Variants in VAV3 observed in about 807,000 individuals in gnomAD.
VAV3 encodes the protein vav guanine nucleotide exchange factor 3.
A neutral mutation model predicts 131.2 loss-of-function variants in VAV3; 94 were observed. The observed-to-expected ratio is 0.72, with a 90% CI of 0.61 to 0.85. The LOEUF is 0.85. VAV3 is among the 40% of genes least tolerant of loss of function. The probability of loss-of-function intolerance (pLI) is 0.00; values close to 1 mark genes in which losing one functional copy is unlikely to be tolerated. For missense variants in VAV3, 939 were observed against 1,002.7 expected (o/e 0.94, Z 0.86); for synonymous variants, 349 against 342.0 (o/e 1.02, Z -0.22).
rs5776903 is a variant in VAV3 at position 107,889,132 on chromosome 1, AGTGTGT to A, written c.205-14121_205-14116del. Among the ~76,000 whole-genome samples the A allele has an allele frequency of 2.3e-3, 326 of 142,038 alleles. 1 individual carries two copies. The highest frequency in any genetic ancestry group is 2.8e-3 in the Non-Finnish European group (184 of 65,754). The allele number at this position is 142,038 out of a possible 152,430, so 93.2% of individuals were successfully genotyped here. On this transcript the variant is annotated intron_variant, in intron 1 of 26. Coordinates refer to ENST00000370056, the MANE Select transcript of VAV3 (RefSeq NM_006113.5). ...TTTTGTTCCAAGTTCTCCTGTGTAG[AGTGTGT>A]GTGTGTGTGTGTGTGTGTGTGTGTG...
intron 25 of VAV3, among the ~76,000 whole-genome samples, chr1:107,579,491 G>A (rs192566538): frequency 1.1e-3 from 173 of 152,252 alleles, no homozygotes; most frequent in African/African-American, 3.9e-3. Flanking sequence ...TTAGTACACC[G>A]TTCAGCCCTC....
At chr1:107,678,521 G>A (rs138724574) in intron 19 of VAV3, among the ~76,000 whole-genome samples, 1 of 152,146 alleles carries the variant, frequency 6.6e-6, no homozygotes, top group Non-Finnish European at 1.5e-5. Context: ...ACACTCTGTT[G>A]TTATTTTTCT....
intron 24 of VAV3, 29 bp downstream of exon 24, chr1:107,602,368 C>A (rs971838859): frequency 1.4e-6 from 2 of 1,441,978 alleles, no homozygotes; most frequent in Admixed American, 4.6e-5. Context: ...ATAAGGATCC[C>A]AGATTGAAAA....
intron 1 of VAV3, among the ~76,000 whole-genome samples, chr1:107,910,204 A>G (rs116531886): frequency 0.041 from 6,184 of 152,322 alleles, 185 homozygotes; most frequent in Non-Finnish European, 0.059. Context: ...AGGCCTATCT[A>G]ATTCCAAGGC....
intron 2 of VAV3, among the ~76,000 whole-genome samples, chr1:107,788,145 A>G (rs940497221): frequency 3.9e-5 from 6 of 152,082 alleles, no homozygotes; most frequent in African/African-American, 1.4e-4. Context: ...AGCTTCCAAT[A>G]TGTCTCCAGG....
chr1:107,666,416 G>A (rs903887104), intron 19 of VAV3, among the ~76,000 whole-genome samples: 2 of 152,108 alleles, frequency 1.3e-5, no homozygotes, highest in Non-Finnish European at 2.9e-5. Context: ...ATTGGTGTGT[G>A]GGCTTTCAGG....
At position 107,675,726 on chromosome 1, in the gene VAV3, T is replaced by C. The variant is rs1658160105; in HGVS notation, c.1777+7762A>G. 2.6e-5 allele frequency among the ~76,000 whole-genome samples: 4 copies of C among 152,280 alleles called. No individual in the cohort carries two copies. In the South Asian group the frequency reaches 8.3e-4, roughly 32 times the overall value. On this transcript the variant is annotated intron_variant, in intron 19 of 26. Transcript: ENST00000370056. ...ACAAAACATGCTGTGTTAGGTTCTG[T>C]TTCCTCAGTTCTCTAATCCGATAAA... is the stretch of plus-strand genomic sequence containing the variant.
chr1:107,616,268 C>A (rs1164382593), intron 21 of VAV3, among the ~76,000 whole-genome samples: 7 of 152,064 alleles, frequency 4.6e-5, no homozygotes, highest in Non-Finnish European at 1.0e-4. Flanking sequence ...TAAAAAGAAA[C>A]AAGATCATGC....
intron 22 of VAV3, among the ~76,000 whole-genome samples, chr1:107,606,475 T>C (rs914412397): frequency 1.3e-5 from 2 of 152,128 alleles, no homozygotes; most frequent in African/African-American, 4.8e-5. Context: ...TGTCCTTCGG[T>C]TCTGAGAAAT....
At chr1:107,868,842 T>C (rs1237450872) in intron 2 of VAV3, among the ~76,000 whole-genome samples, 4 of 152,106 alleles carry the variant, frequency 2.6e-5, no homozygotes, top group Admixed American at 2.6e-4. Context: ...TTGAAAGAAC[T>C]AGTGAAAACT....
chr1:107,894,059 G>A (rs1671453833), intron 1 of VAV3, among the ~76,000 whole-genome samples: 1 of 152,154 alleles, frequency 6.6e-6, no homozygotes, highest in African/African-American at 2.4e-5. Context: ...ATACTGATTG[G>A]GGCTGCAACA....
At chr1:107,924,403 AAAAC>A (rs1431933894) in intron 1 of VAV3, among the ~76,000 whole-genome samples, 1 of 152,054 alleles carries the variant, frequency 6.6e-6, no homozygotes, top group Non-Finnish European at 1.5e-5. Flanking sequence ...AAAAAAAAAA[AAAAC>A]CCTGTAAACA....
intron 25 of VAV3, among the ~76,000 whole-genome samples, chr1:107,590,868 C>T (rs1032561523): frequency 6.6e-6 from 1 of 152,146 alleles, no homozygotes. Context: ...CAATAGCCTC[C>T]TAACTCATCT....
chr1:107,954,694 C>T (rs984950341), intron 1 of VAV3, among the ~76,000 whole-genome samples: 3 of 151,336 alleles, frequency 2.0e-5, no homozygotes, highest in Non-Finnish European at 1.5e-5. Context: ...TAAGGAGGTG[C>T]TATTAACAAC....
At chr1:107,629,655 C>T (rs1321953557) in intron 20 of VAV3, among the ~76,000 whole-genome samples, 1 of 152,028 alleles carries the variant, frequency 6.6e-6, no homozygotes, top group Non-Finnish European at 1.5e-5. Context: ...GAAAATGCTG[C>T]CAAAAGGAAT....
chr1:107,768,426 C>T lies in VAV3; in HGVS notation c.717+15G>A, dbSNP rs144114266. On this transcript the variant is annotated intron_variant, in intron 7 of 26. Transcript: ENST00000370056. Reference sequence around the variant, plus strand: ...TGAAGTACACCACAATTTTAGCTAGCATATTTTTACTCACAGGAATGTTGA... The same window carrying T: ...TGAAGTACACCACAATTTTAGCTAGTATATTTTTACTCACAGGAATGTTGA... The T allele has an allele frequency of 1.9e-6, 3 of 1,604,366 alleles. No individual in the cohort carries two copies. In the Admixed American group the frequency reaches 5.1e-5, roughly 27 times the overall value.
chr1:107,777,061 A>C (rs531890056), intron 4 of VAV3, among the ~76,000 whole-genome samples, 170 bp downstream of exon 4: 1 of 152,178 alleles, frequency 6.6e-6, no homozygotes, highest in African/African-American at 2.4e-5. Flanking sequence ...GGAACTAAAA[A>C]CCAGTTGAAG....
chr1:107,695,237 T>C (rs530696195), intron 17 of VAV3, among the ~76,000 whole-genome samples: 1 of 152,278 alleles, frequency 6.6e-6, no homozygotes, highest in South Asian at 2.1e-4. Context: ...TTGGACATTA[T>C]TCTGTAAGAA....
intron 2 of VAV3, among the ~76,000 whole-genome samples, chr1:107,815,101 T>C (rs1186989650): frequency 6.6e-6 from 1 of 152,246 alleles, no homozygotes; most frequent in East Asian, 1.9e-4. Context: ...AATCTATACA[T>C]AGATGCTGCA....
Sources: allele counts gnomAD v4.1 joint callset (sites outside exome capture counted in the v4.1 genomes callset), GRCh38; gene constraint gnomAD v4.1.1; transcripts MANE v1.5; gene names NCBI Gene and HGNC (gene_info 2026-07-23, HGNC 2026-07-21).